The following CREM variants were observed in gnomAD, a reference collection of about 807,000 sequenced individuals.
The protein encoded by CREM is cAMP responsive element modulator.
CREM carries 13 observed loss-of-function variants against 37.3 expected under a neutral mutation model. The observed-to-expected ratio is 0.35, with a 90% CI of 0.23 to 0.55. The LOEUF is 0.55. CREM is among the 20% of genes least tolerant of loss of function. The pLI is 0.88. For synonymous variants in CREM, 124 were observed against 120.2 expected (o/e 1.03, Z -0.21); for missense variants, 296 against 362.3 (o/e 0.82, Z 1.49).
intron 7 of CREM, 55 bp from the exon 8 acceptor site, chr10:35,211,199 T>C: frequency 1.3e-6 from 2 of 1,588,850 alleles, no homozygotes; most frequent in South Asian, 1.2e-5. Flanking sequence ...ACTGACCCAC[T>C]GTGGATTGTG....
At chr10:35,171,071 A>G (rs2093791294) in intron 3 of CREM, 1 of 151,208 alleles carries the variant, frequency 6.6e-6, no homozygotes, top group Non-Finnish European at 1.5e-5. Context: ...TAGTTACAGA[A>G]TCTGTATAAC....
chr10:35,202,696 T>C (rs1035969111), intron 6 of CREM, among the ~76,000 whole-genome samples: 4 of 152,230 alleles, frequency 2.6e-5, no homozygotes, highest in Non-Finnish European at 5.9e-5. Context: ...TTCCTACTAA[T>C]TTATACTAAC....
At chr10:35,150,497 G>A (rs775987705) in intron 3 of CREM, among the ~76,000 whole-genome samples, 2 of 152,096 alleles carry the variant, frequency 1.3e-5, no homozygotes, top group East Asian at 1.9e-4. Context: ...CAGGCTGGGC[G>A]ACAGCCACCT....
chr10:35,153,121 G>T (rs1278870375), intron 3 of CREM, among the ~76,000 whole-genome samples: 2 of 152,064 alleles, frequency 1.3e-5, no homozygotes, highest in Non-Finnish European at 2.9e-5. Flanking sequence ...GCATGCCCTT[G>T]TAGTCCCAGC....
In CREM at chr10:35,134,055, G is replaced by GTT. The variant is rs143726656; in HGVS notation, c.-54-3713_-54-3712dup. Among the ~76,000 whole-genome samples, 108 of 131,538 alleles carry GTT rather than the reference G, an allele frequency of 8.2e-4. 1 individual carries two copies. The highest frequency in any genetic ancestry group is 1.5e-3 in the South Asian group (6 of 4,038). 86.3% of individuals were successfully genotyped at this position (131,538 alleles called of 152,430 possible). On this transcript the variant is annotated intron_variant, in intron 1 of 7. Coordinates refer to ENST00000685392, the MANE Select transcript of CREM (RefSeq NM_183011.2). Reference sequence around the variant, plus strand: ...TAACCACAGCAGGTAAAAGTTTTTTGTTTTTTTTTTTTTTTCAAGACAGCT... The same window carrying GTT: ...TAACCACAGCAGGTAAAAGTTTTTTGTTTTTTTTTTTTTTTTTCAAGACAGCT...
intron 3 of CREM, among the ~76,000 whole-genome samples, chr10:35,174,966 C>T (rs2093982990): frequency 6.6e-6 from 1 of 152,282 alleles, no homozygotes; most frequent in South Asian, 2.1e-4. Flanking sequence ...CCTCATCAGC[C>T]TTCAAGGCAT....
intron 6 of CREM, among the ~76,000 whole-genome samples, chr10:35,193,745 C>G (rs767123380): frequency 6.6e-6 from 1 of 152,096 alleles, no homozygotes; most frequent in Non-Finnish European, 1.5e-5. Context: ...AAATTAAATA[C>G]AGCTAAAATG....
intron 6 of CREM, among the ~76,000 whole-genome samples, chr10:35,200,732 A>G (rs1407674854): frequency 1.3e-5 from 2 of 152,212 alleles, no homozygotes; most frequent in South Asian, 2.1e-4. Flanking sequence ...GAAGTGTGAC[A>G]TCTAAGTTAA....
chr10:35,188,509 C>G, intron 6 of CREM, 121 bp downstream of exon 6: 1 of 721,182 alleles, frequency 1.4e-6, no homozygotes, highest in Non-Finnish European at 2.1e-6. Context: ...TTGGGAGGCA[C>G]TTAAAAAGGC....
intron 3 of CREM, chr10:35,167,425 G>A (rs1265023676): frequency 3.0e-6 from 1 of 337,176 alleles, no homozygotes; most frequent in Non-Finnish European, 5.4e-6. Flanking sequence ...AGAGCAGTCT[G>A]CTATATTGTG....
chr10:35,159,082 T>A (rs1473039951), intron 3 of CREM, among the ~76,000 whole-genome samples: 1 of 152,182 alleles, frequency 6.6e-6, no homozygotes, highest in Non-Finnish European at 1.5e-5. Flanking sequence ...TAGTTATTTG[T>A]AACCTATGTG....
At chr10:35,151,219 A>T (rs1481536567) in intron 3 of CREM, among the ~76,000 whole-genome samples, 1 of 152,242 alleles carries the variant, frequency 6.6e-6, no homozygotes, top group East Asian at 1.9e-4. Flanking sequence ...TTACGTTTGT[A>T]ATGCTTCTTT....
intron 7 of CREM, chr10:35,210,400 C>T (rs2095640045): frequency 6.6e-6 from 1 of 152,172 alleles, no homozygotes; most frequent in Non-Finnish European, 1.5e-5. Flanking sequence ...ATGACTAAGT[C>T]AACTCATCTG....
chr10:35,175,193 A>G (rs548155663), intron 3 of CREM, among the ~76,000 whole-genome samples: 1 of 152,382 alleles, frequency 6.6e-6, no homozygotes, highest in East Asian at 1.9e-4. Flanking sequence ...CACGCCTGTA[A>G]TCCCAGCACT....
intron 6 of CREM, among the ~76,000 whole-genome samples, chr10:35,205,684 C>T (rs572515882): frequency 1.3e-5 from 2 of 152,302 alleles, no homozygotes; most frequent in African/African-American, 2.4e-5. Context: ...TCAGGCCGGG[C>T]GTGGTGGCTC....
chr10:35,188,061 C>A, intron 5 of CREM, 139 bp from the exon 6 acceptor site: 1 of 793,746 alleles, frequency 1.3e-6, no homozygotes, highest in Non-Finnish European at 1.9e-6. Flanking sequence ...GATCTTCCTT[C>A]TCAATTCAGC....
At chr10:35,182,641 T>C (rs576875266) in intron 5 of CREM, among the ~76,000 whole-genome samples, 3 of 152,334 alleles carry the variant, frequency 2.0e-5, no homozygotes, top group East Asian at 3.9e-4. Context: ...TTGAAAGATA[T>C]TTGGCAGAAG....
At chr10:35,187,712 C>G (rs2094711386) in intron 5 of CREM, among the ~76,000 whole-genome samples, 1 of 151,668 alleles carries the variant, frequency 6.6e-6, no homozygotes, top group South Asian at 2.1e-4. Context: ...CCTGTGTTGC[C>G]CAGGCTGGCC....
intron 6 of CREM, chr10:35,196,117 A>G (rs1379424035): frequency 6.2e-7 from 1 of 1,613,826 alleles, no homozygotes; most frequent in Non-Finnish European, 8.5e-7. Flanking sequence ...CGAGCCTCCT[A>G]CTGAGGCCGT....
Sources: gnomAD v4.1 joint callset for allele counts (sites outside exome capture counted in the v4.1 genomes callset) on GRCh38, gnomAD v4.1.1 for gene constraint, MANE v1.5 for transcripts, NCBI Gene and HGNC (gene_info 2026-07-23, HGNC 2026-07-21) for gene names.